The following DBT variants were observed in gnomAD, a reference collection of about 807,000 sequenced individuals.
DBT encodes lipoamide acyltransferase component of branched-chain alpha-keto acid dehydrogenase complex, mitochondrial.
Under a neutral mutation model 51.3 loss-of-function variants are expected in DBT, and 40 were observed. The observed-to-expected ratio is 0.78, with a 90% CI of 0.61 to 1.02. The LOEUF (loss-of-function observed/expected upper bound fraction) is 1.02. Ranked by LOEUF, DBT falls within the 50% of genes least tolerant of loss-of-function variation. DBT has a pLI of 0.00. For missense variants in DBT, 510 were observed against 580.2 expected, an observed-to-expected ratio of 0.88 and a Z score of 1.24; for synonymous variants, 181 against 190.4, an observed-to-expected ratio of 0.95 and a Z score of 0.41.
rs121964999 is a variant in DBT at position 100,214,929 on chromosome 1, A to C, written c.827T>G (p.Phe276Cys). Residue 276 changes from phenylalanine (F) to cysteine (C), a missense_variant, in exon 7 of 11, where the codon TTT (phenylalanine) becomes TGT (cysteine). Transcript: ENST00000370132. ...AAGGTCAATCTCATCACAATAACCA[A>C]AATGAGGTATCTTCAGGGCTGCAGA... ...TMSAALKIPH[F>C]GYCDEIDLTE... The C allele has an allele frequency of 2.0e-4, 322 of 1,613,122 alleles. No individual in the cohort carries two copies. The highest frequency in any genetic ancestry group is 2.6e-4 in the Non-Finnish European group (303 of 1,179,138).
intron 4 of DBT, among the ~76,000 whole-genome samples, chr1:100,225,589 C>CG (rs1663148439): frequency 6.6e-6 from 1 of 151,926 alleles, no homozygotes; most frequent in Non-Finnish European, 1.5e-5. Flanking sequence ...CTTTGGGAGG[C>CG]GGAGGCAGGC....
At chr1:100,216,273 G>T in intron 5 of DBT, 74 bp from the exon 6 acceptor site, 1 of 1,026,626 alleles carries the variant, frequency 9.7e-7, no homozygotes, top group Non-Finnish European at 1.5e-6. Context: ...AATGGAATTT[G>T]ATCAACTGAC....
At chr1:100,247,516 T>C (rs764614946) in intron 1 of DBT, among the ~76,000 whole-genome samples, 6 of 151,742 alleles carry the variant, frequency 4.0e-5, no homozygotes, top group Non-Finnish European at 8.8e-5. Flanking sequence ...CTGGCCAACA[T>C]GGCAAAACCC....
At chr1:100,211,022 C>A in intron 7 of DBT, 1 of 758,324 alleles carries the variant, frequency 1.3e-6, no homozygotes, top group South Asian at 1.4e-5. Context: ...AGGAGATTTT[C>A]AAAATAATGA....
At chr1:100,211,093 T>G (rs773406235) in intron 7 of DBT, 1 of 779,316 alleles carries the variant, frequency 1.3e-6, no homozygotes, top group Admixed American at 1.7e-5. Context: ...CTCACTGACA[T>G]GTTGATCTTA....
At chr1:100,218,598 C>G in intron 5 of DBT, 28 bp downstream of exon 5, 1 of 1,612,912 alleles carries the variant, frequency 6.2e-7, no homozygotes, top group Non-Finnish European at 8.5e-7. Flanking sequence ...CCTATACAAT[C>G]TCAGACTTAA....
In DBT at chr1:100,227,002, C is replaced by G. The variant is rs563422094; in HGVS notation, c.433+3731G>C. Among the ~76,000 whole-genome samples, 22 of 152,290 alleles carry G rather than the reference C, an allele frequency of 1.4e-4. No homozygotes were observed. In the South Asian group the frequency reaches 4.6e-3, roughly 32 times the overall value. On this transcript the variant is annotated intron_variant, in intron 4 of 10. Transcript: ENST00000370132. ...ATCCAAACTTGAGTGTGCACTTACA[C>G]AAATCTAGATGGTATAGCCTACTAC...
chr1:100,239,891 T>C (rs1446282336), intron 2 of DBT, among the ~76,000 whole-genome samples: 2 of 136,198 alleles, frequency 1.5e-5, no homozygotes, highest in Admixed American at 7.3e-5. Flanking sequence ...AAAAAGAGCA[T>C]GGAAAGGCTG....
intron 4 of DBT, among the ~76,000 whole-genome samples, chr1:100,221,015 A>G (rs985269433): frequency 2.0e-5 from 3 of 152,238 alleles, no homozygotes; most frequent in Non-Finnish European, 2.9e-5. Context: ...AGGAACTCCA[A>G]TGCTAACTTG....
At chr1:100,225,068 C>T (rs866918594) in intron 4 of DBT, among the ~76,000 whole-genome samples, 2,223 of 112,666 alleles carry the variant, frequency 0.02, 172 homozygotes, top group Non-Finnish European at 0.03. Flanking sequence ...CACACACACA[C>T]ACACACACAC....
At chr1:100,244,088 G>GT (rs1357429452) in intron 1 of DBT, among the ~76,000 whole-genome samples, 1 of 113,266 alleles carries the variant, frequency 8.8e-6, no homozygotes, top group East Asian at 3.0e-4. Flanking sequence ...AAAAAAAGGA[G>GT]TTTAAGTAGA....
At chr1:100,247,004 GAA>G (rs60870853) in intron 1 of DBT, among the ~76,000 whole-genome samples, 3,487 of 152,300 alleles carry the variant, frequency 0.023, 128 homozygotes, top group African/African-American at 0.079. Context: ...AGTTGAGACA[GAA>G]AGCACAGTGT....
At chr1:100,198,052 C>T (rs1661208674) in intron 10 of DBT, among the ~76,000 whole-genome samples, 1 of 151,902 alleles carries the variant, frequency 6.6e-6, no homozygotes, top group Non-Finnish European at 1.5e-5. Flanking sequence ...ATTTATAAAT[C>T]AAATATTCAT....
intron 1 of DBT, among the ~76,000 whole-genome samples, chr1:100,246,242 G>A (rs1474862108): frequency 6.6e-6 from 1 of 152,172 alleles, no homozygotes; most frequent in African/African-American, 2.4e-5. Context: ...TGGTGACAGA[G>A]TGAGACGCCG....
intron 4 of DBT, among the ~76,000 whole-genome samples, 164 bp from the exon 5 acceptor site, chr1:100,218,911 A>G (rs1662653975): frequency 7.5e-6 from 1 of 133,366 alleles, no homozygotes; most frequent in South Asian, 2.6e-4. Flanking sequence ...AAACACAACT[A>G]TCCTAATGGT....
At chr1:100,214,398 AGTAATATTTTTAT>A (rs1198523920) in intron 7 of DBT, among the ~76,000 whole-genome samples, 1 of 152,206 alleles carries the variant, frequency 6.6e-6, no homozygotes, top group Non-Finnish European at 1.5e-5. Context: ...TGTTGCGAAA[AGTAATATTTTTAT>A]TCAAGGCCAC....
Position 100,194,942 on chromosome 1 carries a change from T to A in DBT, c.*1313A>T, listed in dbSNP as rs1661003937. On this transcript the variant is annotated 3_prime_UTR_variant, in exon 11 of 11. Coordinates refer to ENST00000370132, the MANE Select transcript of DBT (RefSeq NM_001918.5). The stretch of plus-strand genomic sequence containing the variant: ...AACAACATGGATTTCCGAATGCAAA[T>A]TGAAATGTTGGATACATTCATCTCG... 6.6e-6 allele frequency: 1 copy of A among 152,240 alleles called. No individual in the cohort carries two copies. 9.4% of individuals were successfully genotyped at this position (152,240 alleles called of 1,614,324 possible).
In DBT at chr1:100,193,483, A is replaced by G. The variant is rs1660910137; in HGVS notation, c.*2772T>C. 1 of 152,220 alleles carries G rather than the reference A, an allele frequency of 6.6e-6. No homozygotes were observed. The highest frequency in any genetic ancestry group is 1.5e-5 in the Non-Finnish European group (1 of 68,038). 9.4% of individuals were successfully genotyped at this position (152,220 alleles called of 1,614,324 possible). ...AATATCTGTCTCCTTACTAGACTGT[A>G]AGCCCAATCAAGGAAGCATGAAGGT... On this transcript the variant is annotated 3_prime_UTR_variant, in exon 11 of 11. Transcript: ENST00000370132.
chr1:100,203,637 G>C (rs1309224380), intron 10 of DBT, among the ~76,000 whole-genome samples: 4 of 152,166 alleles, frequency 2.6e-5, no homozygotes, highest in Admixed American at 2.6e-4. Context: ...ACCTGGCAGA[G>C]ACACACACAC....
Sources: allele counts gnomAD v4.1 joint callset (sites outside exome capture counted in the v4.1 genomes callset), GRCh38; gene constraint gnomAD v4.1.1; transcripts MANE v1.5; gene names NCBI Gene and HGNC (gene_info 2026-07-23, HGNC 2026-07-21).